PRAP1: variants seen among roughly 807,000 people sequenced by gnomAD.
PRAP1 encodes proline rich acidic protein 1, also known as proline-rich acidic protein 1.
PRAP1 carries 12 observed loss-of-function variants against 14.6 expected under a neutral mutation model. The ratio of observed to expected loss-of-function variants is 0.82; its 90% CI spans 0.53 to 1.33. PRAP1 has a LOEUF of 1.33. PRAP1 is among the 40% of genes most tolerant of loss of function. PRAP1 has a pLI of 0.00. For synonymous variants in PRAP1, 81 were observed against 80.3 expected (o/e 1.01, Z -0.04); for missense variants, 160 against 193.7 (o/e 0.83, Z 1.03).
chr10:133,350,215 C>T, intron 2 of PRAP1, 54 bp downstream of exon 2: 1 of 1,508,818 alleles, frequency 6.6e-7, no homozygotes, highest in South Asian at 1.2e-5. Context: ...ACCTTCTGCC[C>T]CTACAGCAGG....
rs34780987 is a variant in PRAP1, at chr10:133,352,119, G to A, written c.241G>A (p.Gly81Ser). ...CACCGAGGAGAAGCCACGAGGTCAG[G>A]GCAGGGGCCCCATCCTTCCAGGTGG... ...LTTEEKPRGQ[G>S]RGPILPGTKA... Residue 81 changes from glycine (G) to serine (S), a missense_variant, in exon 4 of 5, where the codon GGC becomes AGC. Coordinates refer to ENST00000433452, the MANE Select transcript of PRAP1 (RefSeq NM_145202.5). The A allele has an allele frequency of 0.034, 54,056 of 1,613,030 alleles. 2,362 individuals are homozygous for A. The highest frequency in any genetic ancestry group is 0.21 in the African/African-American group (15,985 of 74,952).
rs1589867835 is a variant in PRAP1, at chr10:133,351,678, C to A, written c.128+245C>A. 6.6e-6 allele frequency among the ~76,000 whole-genome samples: 1 copy of A among 152,218 alleles called. No individual in the cohort carries two copies. Among genetic ancestry groups the A allele is most frequent in the South Asian group, 2.1e-4 (1 of 4,834 alleles). On this transcript the variant is annotated intron_variant, in intron 3 of 4. Transcript: ENST00000433452. This position sits in a 1 kb window ranked among gnomAD's most constrained non-coding sequence, Gnocchi z 4.3. ...GTCTCCCTACTCAGCTTCCCCACAG[C>A]CTCCAGGGCAGCTTGTGCTCCACGG...
rs1450170259 is a variant in PRAP1 at position 133,347,817 on chromosome 10, TG to T, written c.8+394del. On this transcript the variant is annotated intron_variant, in intron 1 of 4. Coordinates refer to ENST00000433452, the MANE Select transcript of PRAP1 (RefSeq NM_145202.5). This position sits in a 1 kb window ranked among gnomAD's most constrained non-coding sequence, Gnocchi z 5.0. ...TGGTGTCACCCTGGGAGCTGTGATC[TG>T]GAGCTCAGGGAAGCACCCGGGCTCC... 1.3e-5 allele frequency among the ~76,000 whole-genome samples: 2 copies of T among 152,184 alleles called. No homozygotes were observed. The highest frequency in any genetic ancestry group is 2.9e-5 in the Non-Finnish European group (2 of 68,000).
chr10:133,350,278 G>T, intron 2 of PRAP1, 117 bp downstream of exon 2: 1 of 870,524 alleles, frequency 1.1e-6, no homozygotes, highest in African/African-American at 1.7e-5. Context: ...CTGGCTTAGG[G>T]GAGAGAGGCA....
At chr10:133,350,241 GCCC>G (rs1357230300) in intron 2 of PRAP1, 80 bp downstream of exon 2, 1 of 1,322,068 alleles carries the variant, frequency 7.6e-7, no homozygotes, top group East Asian at 2.4e-5. Flanking sequence ...TGGACAAAGG[GCCC>G]CTCTTCTGGC....
chr10:133,349,745 T>C (rs1343442543), intron 1 of PRAP1, among the ~76,000 whole-genome samples: 1 of 152,160 alleles, frequency 6.6e-6, no homozygotes, highest in Non-Finnish European at 1.5e-5. Context: ...GCAAGTGTGT[T>C]CATGTGTGTC....
Position 133,347,404 on chromosome 10 carries a change from C to T in PRAP1, c.-14C>T, listed in dbSNP as rs767859575. ...GCTCCCTGAGCACTCTCTACAGAGA[C>T]GCGGACCCCAGACATGAGGAGGTAA... On this transcript the variant is annotated 5_prime_UTR_variant, in exon 1 of 5. The change creates a new upstream start codon in the 5' untranslated region. Coordinates refer to ENST00000433452, the MANE Select transcript of PRAP1 (RefSeq NM_145202.5). This position sits in a 1 kb window ranked among gnomAD's most constrained non-coding sequence, Gnocchi z 5.0. 50 of 1,613,002 alleles carry T rather than the reference C, an allele frequency of 3.1e-5. No homozygotes were observed. The Admixed American group carries it at 3.5e-4, about 11-fold the overall frequency.
chr10:133,348,018 G>T (rs1218933154), intron 1 of PRAP1, among the ~76,000 whole-genome samples: 1 of 152,164 alleles, frequency 6.6e-6, no homozygotes, highest in Non-Finnish European at 1.5e-5. Context: ...CTTGTAGAGA[G>T]GTGGCTTCTG....
Position 133,347,398 on chromosome 10 carries a change from C to T in PRAP1, c.-20C>T. 6.2e-7 allele frequency: 1 copy of T among 1,613,380 alleles called. No individual in the cohort carries two copies. Among genetic ancestry groups the T allele is most frequent in the Non-Finnish European group, 8.5e-7 (1 of 1,179,614 alleles). ...ACTGCAGCTCCCTGAGCACTCTCTACAGAGACGCGGACCCCAGACATGAGG... is the reference window on the plus strand; with the variant it reads ...ACTGCAGCTCCCTGAGCACTCTCTATAGAGACGCGGACCCCAGACATGAGG... On this transcript the variant is annotated 5_prime_UTR_variant, in exon 1 of 5. Coordinates refer to ENST00000433452, the MANE Select transcript of PRAP1 (RefSeq NM_145202.5). The surrounding 1 kb of genome is among the most constrained non-coding windows in gnomAD (Gnocchi z 5.0).
chr10:133,350,188 C>A, intron 2 of PRAP1, 27 bp downstream of exon 2: 1 of 1,599,702 alleles, frequency 6.3e-7, no homozygotes, highest in Non-Finnish European at 8.6e-7. Flanking sequence ...CCCATCTGGG[C>A]AGCAACTCCA....
At chr10:133,348,541 GC>G (rs1564793777) in intron 1 of PRAP1, among the ~76,000 whole-genome samples, 3 of 150,746 alleles carry the variant, frequency 2.0e-5, no homozygotes, top group African/African-American at 7.3e-5. Context: ...AGAGTGTCTC[GC>G]TCTGTCGCCC....
At chr10:133,350,028 G>A in intron 1 of PRAP1, 67 bp from the exon 2 acceptor site, 1 of 1,455,566 alleles carries the variant, frequency 6.9e-7, no homozygotes, top group Non-Finnish European at 9.5e-7. Flanking sequence ...TGCCCATCAG[G>A]GTGCTGCCTG....
At position 133,352,440 on chromosome 10, in the gene PRAP1, G is replaced by A. The variant is rs1201586209; in HGVS notation, c.456G>A (p.Ter152=). Residue 152 remains the stop codon, a stop_retained_variant, in exon 5 of 5, where the codon TAG becomes TAA. Transcript: ENST00000433452. The part of the protein sequence containing the change: ...EDQDHIYHPQ[*] ...AAGACCACATCTACCACCCCCAGTA[G>A]GGCTCCAGGGGCCATCACTGCCCCC... The A allele has an allele frequency of 3.1e-6, 5 of 1,611,618 alleles. No individual in the cohort carries two copies. The highest frequency in any genetic ancestry group is 4.2e-6 in the Non-Finnish European group (5 of 1,179,244).
At chr10:133,349,844 A>G (rs1166632531) in intron 1 of PRAP1, among the ~76,000 whole-genome samples, 2 of 152,084 alleles carry the variant, frequency 1.3e-5, no homozygotes, top group Non-Finnish European at 2.9e-5. Flanking sequence ...GTCTGCCCAG[A>G]CTGTGAGGAG....
Position 133,347,752 on chromosome 10 carries a change from G to T in PRAP1, c.8+327G>T, listed in dbSNP as rs1185179041. Among the ~76,000 whole-genome samples, 1 of 152,132 alleles carries T rather than the reference G, an allele frequency of 6.6e-6. No individual in the cohort carries two copies. Among genetic ancestry groups the T allele is most frequent in the Admixed American group, 6.5e-5 (1 of 15,290 alleles). ...CCCAAAAGGAAGGGGGCTGGGGGAG[G>T]GGAGGGGCTGGGGCGCAGGAGCCAG... On this transcript the variant is annotated intron_variant, in intron 1 of 4. Coordinates refer to ENST00000433452, the MANE Select transcript of PRAP1 (RefSeq NM_145202.5). This position sits in a 1 kb window ranked among gnomAD's most constrained non-coding sequence, Gnocchi z 5.0.
At position 133,352,126 on chromosome 10, in the gene PRAP1, G is replaced by T. The variant is rs1007423177; in HGVS notation, c.248G>T (p.Gly83Val). The T allele has an allele frequency of 6.2e-7, 1 of 1,613,044 alleles. No individual in the cohort carries two copies. Among genetic ancestry groups the T allele is most frequent in the Admixed American group, 1.7e-5 (1 of 60,004 alleles). Residue 83 changes from glycine (G) to valine (V), a missense_variant, in exon 4 of 5, where the codon GGC becomes GTC. Physicochemically the swap from Gly to Val is moderately radical, Grantham distance 109 (BLOSUM62 -3). Transcript: ENST00000433452. The stretch of plus-strand genomic sequence containing the variant: ...GAGAAGCCACGAGGTCAGGGCAGGG[G>T]CCCCATCCTTCCAGGTGGGCACAAG... ...TEEKPRGQGR[G>V]PILPGTKAWM...
intron 2 of PRAP1, 116 bp downstream of exon 2, chr10:133,350,277 G>A: frequency 1.1e-6 from 1 of 876,264 alleles, no homozygotes; most frequent in South Asian, 1.6e-5. Flanking sequence ...GCTGGCTTAG[G>A]GGAGAGAGGC....
rs1184307845 is a variant in PRAP1, at chr10:133,347,620, T to A, written c.8+195T>A. Among the ~76,000 whole-genome samples, 1 of 152,142 alleles carries A rather than the reference T, an allele frequency of 6.6e-6. No individual in the cohort carries two copies. Among genetic ancestry groups the A allele is most frequent in the African/African-American group, 2.4e-5 (1 of 41,430 alleles). On this transcript the variant is annotated intron_variant, in intron 1 of 4. Transcript: ENST00000433452. This position sits in a 1 kb window ranked among gnomAD's most constrained non-coding sequence, Gnocchi z 5.0. Reference sequence around the variant, plus strand: ...GCTCTACCTCCTCTGTGGCCCCGAGTGCACTTGCCTCTTGGTTCCCCTGGC... The same window carrying A: ...GCTCTACCTCCTCTGTGGCCCCGAGAGCACTTGCCTCTTGGTTCCCCTGGC...
chr10:133,349,945 C>T, intron 1 of PRAP1, 150 bp from the exon 2 acceptor site: 1 of 653,402 alleles, frequency 1.5e-6, no homozygotes. Context: ...GCCTGCGTGT[C>T]TTGGCCCATG....
Sources: gnomAD v4.1 joint callset for allele counts (sites outside exome capture counted in the v4.1 genomes callset) on GRCh38, gnomAD v4.1.1 for gene constraint, Gnocchi (gnomAD v3.1) non-coding constraint, MANE v1.5 for transcripts, NCBI Gene and HGNC (gene_info 2026-07-23, HGNC 2026-07-21) for gene names.